The following NUP153 variants were observed in gnomAD, a reference collection of about 807,000 sequenced individuals.
NUP153 encodes the protein nucleoporin 153.
NUP153 carries 27 observed loss-of-function variants against 134.6 expected under a neutral mutation model. That is an observed-to-expected ratio of 0.20 (90% CI 0.15 to 0.28). The LOEUF (loss-of-function observed/expected upper bound fraction) is 0.28. Ranked by LOEUF, NUP153 falls within the 10% of genes least tolerant of loss-of-function variation. NUP153 has a pLI of 1.00. For synonymous variants in NUP153, 640 were observed against 623.5 expected (o/e 1.03, Z -0.40); for missense variants, 1,821 against 1,731.3 (o/e 1.05, Z -0.92).
At chr6:17,691,664 C>G (rs1201979788) in intron 1 of NUP153, among the ~76,000 whole-genome samples, 2 of 151,996 alleles carry the variant, frequency 1.3e-5, no homozygotes, top group Non-Finnish European at 2.9e-5. Flanking sequence ...ACTAGAGAGG[C>G]TGAGGCAGGA....
rs553870902 is a variant in NUP153, at chr6:17,649,579, A to C, written c.1396-279T>G. The stretch of plus-strand genomic sequence containing the variant: ...TCTTACGATATACTACAGTTGTACT[A>C]ATATGAAACATAAAGTTATATATAG... On this transcript the variant is annotated intron_variant, in intron 11 of 21. Coordinates refer to ENST00000262077, the MANE Select transcript of NUP153 (RefSeq NM_005124.4). Among the ~76,000 whole-genome samples the C allele has an allele frequency of 4.6e-5, 7 of 152,310 alleles. No individual in the cohort carries two copies. The East Asian group carries it at 1.4e-3, about 29-fold the overall frequency.
In NUP153 at chr6:17,616,624, T is replaced by C; in HGVS notation, c.4246A>G (p.Thr1416Ala). 1 of 1,614,194 alleles carries C rather than the reference T, an allele frequency of 6.2e-7. No homozygotes were observed. The highest frequency in any genetic ancestry group is 1.7e-5 in the Admixed American group (1 of 60,030). ...FTNNSPSGVFTFGANSSTPAA... is the reference protein window; with the variant it reads ...FTNNSPSGVFAFGANSSTPAA... ...GGTGTGCTAGAATTTGCACCAAATGTGAACACTCCTGATGGACTGTTGTTT... is the reference window on the plus strand; with the variant it reads ...GGTGTGCTAGAATTTGCACCAAATGCGAACACTCCTGATGGACTGTTGTTT... The change falls in exon 21 of 22, where the codon ACA becomes GCA. Residue 1416 changes from threonine (T) to alanine (A), a missense_variant. Physicochemically the swap from Thr to Ala is moderately conservative, Grantham distance 58. Coordinates refer to ENST00000262077, the MANE Select transcript of NUP153 (RefSeq NM_005124.4).
At chr6:17,651,079 G>A (rs1417395461) in intron 11 of NUP153, among the ~76,000 whole-genome samples, 1 of 152,100 alleles carries the variant, frequency 6.6e-6, no homozygotes, top group Non-Finnish European at 1.5e-5. Flanking sequence ...AGGCAGGACA[G>A]CTTGAGGCCA....
At chr6:17,655,824 CAT>C (rs761774741) in intron 11 of NUP153, among the ~76,000 whole-genome samples, 3 of 152,186 alleles carry the variant, frequency 2.0e-5, no homozygotes, top group Non-Finnish European at 2.9e-5. Flanking sequence ...GTGGTCTCAA[CAT>C]ATCTGACTTC....
At position 17,638,686 on chromosome 6, in the gene NUP153, C is replaced by T. The variant is rs1411327804; in HGVS notation, c.1847-916G>A. 6.6e-6 allele frequency among the ~76,000 whole-genome samples: 1 copy of T among 152,192 alleles called. No homozygotes were observed. Among genetic ancestry groups the T allele is most frequent in the African/African-American group, 2.4e-5 (1 of 41,460 alleles). ...CTAATTTCAGTCAAATGAAGATTCT[C>T]CCCAAACATTTCCTATTTAAGAAGT... On this transcript the variant is annotated intron_variant, in intron 15 of 21. Coordinates refer to ENST00000262077, the MANE Select transcript of NUP153 (RefSeq NM_005124.4). This position sits in a 1 kb window ranked among gnomAD's most constrained non-coding sequence, Gnocchi z 4.0.
intron 11 of NUP153, among the ~76,000 whole-genome samples, chr6:17,657,694 T>C (rs929815227): frequency 3.9e-5 from 6 of 152,186 alleles, no homozygotes; most frequent in Non-Finnish European, 4.4e-5. Flanking sequence ...CATACAGAGA[T>C]AAACTTCACA....
In NUP153 at chr6:17,616,018, C is replaced by A; in HGVS notation, c.*79G>T. The stretch of plus-strand genomic sequence containing the variant: ...TTAGGCAGATCTGACTTCAGATAAC[C>A]CCAGCACAAAGTACAATCCAGTATC... On this transcript the variant is annotated 3_prime_UTR_variant, in exon 22 of 22. Transcript: ENST00000262077. 3 of 1,050,786 alleles carry A rather than the reference C, an allele frequency of 2.9e-6. No homozygotes were observed. The highest frequency in any genetic ancestry group is 2.4e-5 in the East Asian group (1 of 41,438). The allele number at this position is 1,050,786 out of a possible 1,614,324, so 65.1% of individuals were successfully genotyped here.
At chr6:17,700,240 A>G (rs1216826071) in intron 1 of NUP153, among the ~76,000 whole-genome samples, 1 of 152,168 alleles carries the variant, frequency 6.6e-6, no homozygotes, top group Non-Finnish European at 1.5e-5. Context: ...TCAATTGCAT[A>G]TATATAATAA....
chr6:17,637,696 C>T lies in NUP153; in HGVS notation c.1921G>A (p.Ala641Thr), dbSNP rs758570901. The T allele has an allele frequency of 1.2e-6, 2 of 1,610,842 alleles. No homozygotes were observed. The highest frequency in any genetic ancestry group is 1.7e-6 in the Non-Finnish European group (2 of 1,180,010). ...ATSPVVYTRP[A>T]ISSFSSSGIG... is the part of the protein sequence containing the mutation. ...CCACTAGAAGAAAAGCTACTTATTGCTGGTCTTGTATAAACTACTGGGCTT... is the reference window on the plus strand; with the variant it reads ...CCACTAGAAGAAAAGCTACTTATTGTTGGTCTTGTATAAACTACTGGGCTT... Residue 641 changes from alanine (A) to threonine (T), a missense_variant, in exon 16 of 22, where the codon GCA becomes ACA. Ala to Thr is a moderately conservative substitution (Grantham distance 58). Coordinates refer to ENST00000262077, the MANE Select transcript of NUP153 (RefSeq NM_005124.4).
chr6:17,683,171 C>T (rs1449555762), intron 2 of NUP153, among the ~76,000 whole-genome samples: 1 of 152,130 alleles, frequency 6.6e-6, no homozygotes, highest in Non-Finnish European at 1.5e-5. Flanking sequence ...AATATTTGGA[C>T]CTCCTCCTGT....
chr6:17,699,143 T>C (rs1769872316), intron 1 of NUP153, among the ~76,000 whole-genome samples: 1 of 152,122 alleles, frequency 6.6e-6, no homozygotes, highest in African/African-American at 2.4e-5. Flanking sequence ...AAGAATCTTT[T>C]AAAAATATAT....
At chr6:17,619,537 T>C (rs1484359502) in intron 20 of NUP153, 1 of 152,320 alleles carries the variant, frequency 6.6e-6, no homozygotes, top group East Asian at 1.9e-4. Context: ...CTTTCAGTGC[T>C]TACTTCAGCA....
At chr6:17,618,047 C>T (rs1316615982) in intron 20 of NUP153, among the ~76,000 whole-genome samples, 2 of 152,026 alleles carry the variant, frequency 1.3e-5, no homozygotes, top group African/African-American at 4.8e-5. Flanking sequence ...AGCCATCTTC[C>T]CAATCTTAGC....
intron 9 of NUP153, among the ~76,000 whole-genome samples, chr6:17,664,958 C>T (rs1767427462): frequency 6.9e-6 from 1 of 145,780 alleles, no homozygotes; most frequent in Non-Finnish European, 1.5e-5. Flanking sequence ...GGGGCTGAAG[C>T]AGGAGAATCA....
chr6:17,639,612 G>A (rs1008629924), intron 15 of NUP153, among the ~76,000 whole-genome samples: 2 of 152,110 alleles, frequency 1.3e-5, no homozygotes, highest in African/African-American at 4.8e-5. Flanking sequence ...AATTCAAGAA[G>A]GCAGTTCAGT....
chr6:17,706,358 CCCTCCGACT>C lies in NUP153; in HGVS notation c.21_29del (p.Val8_Gly10del), dbSNP rs1437755306. 39 of 1,613,092 alleles carry C rather than the reference CCCTCCGACT, an allele frequency of 2.4e-5. No individual in the cohort carries two copies. Among genetic ancestry groups the C allele is most frequent in the Non-Finnish European group, 3.2e-5 (38 of 1,179,704 alleles). ...GCGTCCGGATCTTGCCGCCACCGCC[CCCTCCGACT>C]CCTCCGGCTCCCGAGGCCATGGCGG... On this transcript the variant is annotated inframe_deletion, in exon 1 of 22. Coordinates refer to ENST00000262077, the MANE Select transcript of NUP153 (RefSeq NM_005124.4). The surrounding 1 kb of genome is among the most constrained non-coding windows in gnomAD (Gnocchi z 5.9).
At chr6:17,652,660 T>A (rs1305016331) in intron 11 of NUP153, among the ~76,000 whole-genome samples, 2 of 151,958 alleles carry the variant, frequency 1.3e-5, no homozygotes, top group Non-Finnish European at 2.9e-5. Flanking sequence ...GGGAAAAAAA[T>A]ATTTGTTAAG....
intron 2 of NUP153, among the ~76,000 whole-genome samples, chr6:17,681,189 A>G (rs1359757494): frequency 2.0e-5 from 3 of 151,024 alleles, no homozygotes; most frequent in African/African-American, 7.3e-5. Flanking sequence ...CAACTATCAC[A>G]TGTTCTCAAA....
Position 17,706,209 on chromosome 6 carries a change from C to G in NUP153, c.111+68G>C. The G allele has an allele frequency of 2.2e-6, 3 of 1,338,140 alleles. No homozygotes were observed. Among genetic ancestry groups the G allele is most frequent in the Non-Finnish European group, 3.2e-6 (3 of 937,574 alleles). The allele number at this position is 1,338,140 out of a possible 1,614,324, so 82.9% of individuals were successfully genotyped here. ...TGCTCCACGTGGGGCGCCGGGGCCTCGAACCGCCCGTCCCCTCCAGCCGAG... is the reference window on the plus strand; with the variant it reads ...TGCTCCACGTGGGGCGCCGGGGCCTGGAACCGCCCGTCCCCTCCAGCCGAG... On this transcript the variant is annotated intron_variant, in intron 1 of 21. Transcript: ENST00000262077. The surrounding 1 kb of genome is among the most constrained non-coding windows in gnomAD (Gnocchi z 5.9).
Sources: gnomAD v4.1 joint callset for allele counts (sites outside exome capture counted in the v4.1 genomes callset) on GRCh38, gnomAD v4.1.1 for gene constraint, Gnocchi (gnomAD v3.1) non-coding constraint, MANE v1.5 for transcripts, NCBI Gene and HGNC (gene_info 2026-07-23, HGNC 2026-07-21) for gene names.